The following CADM2 variants were observed in gnomAD, a reference collection of about 807,000 sequenced individuals.
CADM2 encodes the protein immunoglobulin superfamily member 4D.
A neutral mutation model predicts 49.8 loss-of-function variants in CADM2; 12 were observed. The observed-to-expected ratio is 0.24, with a 90% CI of 0.15 to 0.39. The LOEUF is 0.39. Ranked by LOEUF, CADM2 falls within the 10% of genes least tolerant of loss-of-function variation. The pLI is 1.00. For synonymous variants in CADM2, 214 were observed against 175.4 expected, an observed-to-expected ratio of 1.22 and a Z score of -1.74; for missense variants, 378 against 492.3, an observed-to-expected ratio of 0.77 and a Z score of 2.20.
rs149161438 is a variant in CADM2 at position 85,152,826 on chromosome 3, G to A, written c.61+193158G>A. Among the ~76,000 whole-genome samples, 147 of 152,014 alleles carry A rather than the reference G, an allele frequency of 9.7e-4. 1 individual carries two copies. The highest frequency in any genetic ancestry group is 1.4e-3 in the African/African-American group (59 of 41,470). ...CAAAAAGAAAAAATATTTGCCGGGC[G>A]TGGTGGCGGGTGCTTGTAGTGCCAG... On this transcript the variant is annotated intron_variant, in intron 1 of 9. Coordinates refer to ENST00000383699, the MANE Select transcript of CADM2 (RefSeq NM_001167675.2).
intron 1 of CADM2, among the ~76,000 whole-genome samples, chr3:85,391,409 T>C (rs964357763): frequency 6.6e-5 from 10 of 151,974 alleles, no homozygotes; most frequent in African/African-American, 2.4e-4. Context: ...TGTTTAAGGG[T>C]AAATAGAGAA....
chr3:85,223,937 A>AT (rs531790088), intron 1 of CADM2, among the ~76,000 whole-genome samples: 2 of 151,944 alleles, frequency 1.3e-5, no homozygotes, highest in Non-Finnish European at 2.9e-5. Flanking sequence ...TGAACTCATC[A>AT]TTTTTTTATG....
intron 1 of CADM2, among the ~76,000 whole-genome samples, chr3:85,556,435 T>C (rs567478606): frequency 1.3e-5 from 2 of 152,234 alleles, no homozygotes; most frequent in South Asian, 4.1e-4. Context: ...GTCAACTCTA[T>C]TTCAAAAATT....
intron 3 of CADM2, among the ~76,000 whole-genome samples, chr3:85,834,627 G>A (rs1046421953): frequency 4.6e-5 from 7 of 151,524 alleles, no homozygotes; most frequent in South Asian, 2.1e-4. Context: ...AGTTTGACTT[G>A]TAGTTATATG....
At chr3:85,540,314 G>A (rs889862354) in intron 1 of CADM2, among the ~76,000 whole-genome samples, 2 of 152,060 alleles carry the variant, frequency 1.3e-5, no homozygotes, top group African/African-American at 2.4e-5. Flanking sequence ...TACCTACCAA[G>A]TATTTTGACT....
chr3:85,786,936 G>A (rs1200672190), intron 2 of CADM2, among the ~76,000 whole-genome samples: 1 of 151,958 alleles, frequency 6.6e-6, no homozygotes, highest in Non-Finnish European at 1.5e-5. Context: ...TTGTGTTACT[G>A]CATTTTTGTA....
chr3:85,818,946 C>A (rs920934868), intron 3 of CADM2, among the ~76,000 whole-genome samples: 1 of 151,288 alleles, frequency 6.6e-6, no homozygotes, highest in Admixed American at 6.6e-5. Flanking sequence ...CTCACATGAT[C>A]ACCAGATGAA....
At chr3:85,533,764 G>A (rs1279440475) in intron 1 of CADM2, among the ~76,000 whole-genome samples, 1 of 152,178 alleles carries the variant, frequency 6.6e-6, no homozygotes, top group African/African-American at 2.4e-5. Context: ...ACAGGAAGCA[G>A]AAGGTGAGTT....
chr3:85,607,950 C>T (rs1056462880), intron 1 of CADM2, among the ~76,000 whole-genome samples: 24 of 151,872 alleles, frequency 1.6e-4, no homozygotes, highest in South Asian at 2.1e-4. Flanking sequence ...CCACCACGCC[C>T]GGCCAATAAT....
chr3:85,779,515 A>G (rs943697822), intron 2 of CADM2, among the ~76,000 whole-genome samples: 2 of 152,166 alleles, frequency 1.3e-5, no homozygotes, highest in Non-Finnish European at 2.9e-5. Flanking sequence ...CCTTCTTCAC[A>G]TAGCAACAAC....
In CADM2 at chr3:85,971,212, G is replaced by A. The variant is rs985824886; in HGVS notation, c.970+9565G>A. 4.0e-5 allele frequency among the ~76,000 whole-genome samples: 6 copies of A among 151,476 alleles called. No homozygotes were observed. In the East Asian group the frequency reaches 5.9e-4, roughly 15 times the overall value. ...CATTGCATTTTGAATCTGAACCAAC[G>A]CCCTTATGGACTCTCGTATGTCCTG... On this transcript the variant is annotated intron_variant, in intron 8 of 9. Coordinates refer to ENST00000383699, the MANE Select transcript of CADM2 (RefSeq NM_001167675.2).
Position 85,530,867 on chromosome 3 carries a change from T to TACACACACACAC in CADM2, c.62-195619_62-195608dup, listed in dbSNP as rs71617940. Among the ~76,000 whole-genome samples the TACACACACACAC allele has an allele frequency of 7.2e-4, 98 of 136,936 alleles. 1 individual carries two copies. Among genetic ancestry groups the TACACACACACAC allele is most frequent in the Non-Finnish European group, 9.8e-4 (63 of 64,260 alleles). The allele number at this position is 136,936 out of a possible 152,430, so 89.8% of individuals were successfully genotyped here. On this transcript the variant is annotated intron_variant, in intron 1 of 9. Transcript: ENST00000383699. ...CAAAATCAAGTGGTTTATGTAAAAA[T>TACACACACACAC]ACACACACACACACACACACACACA...
chr3:85,383,105 A>G (rs931378116), intron 1 of CADM2, among the ~76,000 whole-genome samples: 1 of 152,162 alleles, frequency 6.6e-6, no homozygotes, highest in Admixed American at 6.5e-5. Flanking sequence ...CTGTGTTCAA[A>G]TAAGGCAACC....
intron 1 of CADM2, among the ~76,000 whole-genome samples, chr3:85,313,803 T>C (rs890472407): frequency 5.3e-5 from 8 of 152,246 alleles, no homozygotes; most frequent in African/African-American, 1.9e-4. Context: ...TTTGGTTATG[T>C]TACTCTCTCT....
At chr3:85,249,001 T>C (rs1030258006) in intron 1 of CADM2, among the ~76,000 whole-genome samples, 7 of 152,148 alleles carry the variant, frequency 4.6e-5, no homozygotes, top group Admixed American at 2.6e-4. Flanking sequence ...AAAAATGTTA[T>C]CATCTGTAGG....
intron 1 of CADM2, among the ~76,000 whole-genome samples, chr3:85,278,688 G>T (rs1390003693): frequency 3.3e-5 from 5 of 150,026 alleles, no homozygotes; most frequent in Admixed American, 6.7e-5. Context: ...TTCAGAGACG[G>T]TGTATGAAAT....
At chr3:85,691,156 A>T (rs2066374518) in intron 1 of CADM2, among the ~76,000 whole-genome samples, 1 of 152,134 alleles carries the variant, frequency 6.6e-6, no homozygotes, top group African/African-American at 2.4e-5. Context: ...TAGACTCCAC[A>T]TATGAATGAG....
intron 1 of CADM2, among the ~76,000 whole-genome samples, chr3:85,439,231 G>A (rs1053710511): frequency 4.0e-5 from 6 of 148,518 alleles, no homozygotes; most frequent in African/African-American, 1.5e-4. Flanking sequence ...TGAACTCACC[G>A]CAACCTCCAC....
At chr3:85,247,844 T>A (rs1013572782) in intron 1 of CADM2, among the ~76,000 whole-genome samples, 9 of 152,158 alleles carry the variant, frequency 5.9e-5, no homozygotes, top group African/African-American at 1.7e-4. Flanking sequence ...AGGCATGTAT[T>A]ATAAAACTAT....
Sources: allele counts gnomAD v4.1 joint callset (sites outside exome capture counted in the v4.1 genomes callset), GRCh38; gene constraint gnomAD v4.1.1; transcripts MANE v1.5; gene names NCBI Gene and HGNC (gene_info 2026-07-23, HGNC 2026-07-21).